MYO1D: variants seen among roughly 807,000 people sequenced by gnomAD.
The protein encoded by MYO1D is myosin ID, also known as unconventional myosin-Id.
Under a neutral mutation model 122.0 loss-of-function variants are expected in MYO1D, and 83 were observed. The ratio of observed to expected loss-of-function variants is 0.68; its 90% CI spans 0.57 to 0.82. The LOEUF (loss-of-function observed/expected upper bound fraction) is 0.82, where lower values mean the gene tolerates loss of function less well. MYO1D is among the 40% of genes least tolerant of loss of function. The pLI is 0.00. For missense variants in MYO1D, 1,157 were observed against 1,269.5 expected (o/e 0.91, Z 1.35); for synonymous variants, 464 against 446.9 (o/e 1.04, Z -0.48).
intron 10 of MYO1D, 112 bp downstream of exon 10, chr17:32,760,178 G>C (rs1358600615): frequency 9.8e-6 from 9 of 914,942 alleles, no homozygotes; most frequent in Non-Finnish European, 1.6e-5. Flanking sequence ...GGAAAGCTAA[G>C]GTTCAGATGT....
chr17:32,742,800 T>A (rs2089787635), intron 13 of MYO1D, among the ~76,000 whole-genome samples: 1 of 152,230 alleles, frequency 6.6e-6, no homozygotes, highest in South Asian at 2.1e-4. Flanking sequence ...TCAACATCCA[T>A]ACAGATGAAT....
chr17:32,632,396 C>G (rs191526944), intron 20 of MYO1D: 1 of 152,152 alleles, frequency 6.6e-6, no homozygotes, highest in Non-Finnish European at 1.5e-5. Context: ...TCTGATTTTT[C>G]TAGGCATATC....
chr17:32,826,033 A>C (rs928610214), intron 1 of MYO1D, among the ~76,000 whole-genome samples: 2 of 134,984 alleles, frequency 1.5e-5, no homozygotes, highest in African/African-American at 5.5e-5. Flanking sequence ...CGGGTGATAG[A>C]GTGAAACTCC....
At chr17:32,608,967 G>A (rs2087664865) in intron 20 of MYO1D, among the ~76,000 whole-genome samples, 1 of 152,170 alleles carries the variant, frequency 6.6e-6, no homozygotes, top group African/African-American at 2.4e-5. Flanking sequence ...AAAGGATAAG[G>A]ATGGACAACA....
chr17:32,626,459 C>T (rs561722517), intron 20 of MYO1D, among the ~76,000 whole-genome samples: 3 of 152,152 alleles, frequency 2.0e-5, no homozygotes, highest in Admixed American at 6.5e-5. Context: ...GTTTCTTTAA[C>T]AACGTTAAAT....
At chr17:32,731,744 G>A (rs1022819012) in intron 14 of MYO1D, among the ~76,000 whole-genome samples, 27 of 152,274 alleles carry the variant, frequency 1.8e-4, no homozygotes, top group Admixed American at 5.9e-4. Context: ...TGGGATCATC[G>A]CACTTCCTGG....
At chr17:32,718,686 C>G (rs1228016874) in intron 15 of MYO1D, among the ~76,000 whole-genome samples, 1 of 151,652 alleles carries the variant, frequency 6.6e-6, no homozygotes. Context: ...GGTGACAGAG[C>G]AAGACCCTGT....
intron 2 of MYO1D, among the ~76,000 whole-genome samples, chr17:32,780,343 T>C (rs936351267): frequency 2.0e-5 from 3 of 152,156 alleles, no homozygotes; most frequent in Non-Finnish European, 2.9e-5. Context: ...ATCTAACAAA[T>C]TGGCCAGAAG....
chr17:32,537,672 T>A (rs1020214731), intron 21 of MYO1D, among the ~76,000 whole-genome samples: 2 of 152,224 alleles, frequency 1.3e-5, no homozygotes, highest in Admixed American at 1.3e-4. Context: ...GGGTTGTCCA[T>A]TAGCATAGCG....
intron 16 of MYO1D, among the ~76,000 whole-genome samples, chr17:32,710,386 C>T (rs2089360183): frequency 6.6e-6 from 1 of 152,146 alleles, no homozygotes; most frequent in South Asian, 2.1e-4. Context: ...AACTTTCTCA[C>T]CATATGGAGA....
chr17:32,717,265 C>A (rs1034249391), intron 15 of MYO1D, among the ~76,000 whole-genome samples: 7 of 152,150 alleles, frequency 4.6e-5, no homozygotes, highest in Admixed American at 3.9e-4. Context: ...ACACATAATT[C>A]TTTTCCTGTC....
intron 16 of MYO1D, among the ~76,000 whole-genome samples, chr17:32,706,644 A>T (rs1400104081): frequency 6.6e-6 from 1 of 152,210 alleles, no homozygotes; most frequent in Non-Finnish European, 1.5e-5. Flanking sequence ...TAAAATTAAA[A>T]CAGCTAGTTA....
chr17:32,773,185 C>G (rs975823396), intron 4 of MYO1D, among the ~76,000 whole-genome samples: 4 of 152,198 alleles, frequency 2.6e-5, no homozygotes, highest in African/African-American at 9.7e-5. Context: ...TAAGCGGCCT[C>G]TTTTTACTCT....
rs569286370 is a variant in MYO1D at position 32,533,511 on chromosome 17, G to A, written c.2865-38596C>T. ...CTGCCTGCCACCCACTCTTCAAGCTGCAACCAGAATGATCTTACTAAAGCA... is the reference window on the plus strand; with the variant it reads ...CTGCCTGCCACCCACTCTTCAAGCTACAACCAGAATGATCTTACTAAAGCA... On this transcript the variant is annotated intron_variant, in intron 21 of 21. Coordinates refer to ENST00000318217, the MANE Select transcript of MYO1D (RefSeq NM_015194.3). 4.1e-4 allele frequency among the ~76,000 whole-genome samples: 62 copies of A among 152,254 alleles called. 1 individual carries two copies. The South Asian group carries it at 0.012, about 30-fold the overall frequency.
chr17:32,711,675 T>G (rs1398312050), intron 16 of MYO1D, among the ~76,000 whole-genome samples: 1 of 151,880 alleles, frequency 6.6e-6, no homozygotes, highest in African/African-American at 2.4e-5. Context: ...CTTTATGCAT[T>G]TAAGCTGAAG....
intron 14 of MYO1D, among the ~76,000 whole-genome samples, chr17:32,736,230 C>T (rs1001104775): frequency 6.6e-6 from 1 of 152,146 alleles, no homozygotes; most frequent in Non-Finnish European, 1.5e-5. Context: ...GATTGCTAGG[C>T]TAGTTCCCTA....
At chr17:32,524,427 C>T (rs1172663517) in intron 21 of MYO1D, among the ~76,000 whole-genome samples, 3 of 152,162 alleles carry the variant, frequency 2.0e-5, no homozygotes, top group Non-Finnish European at 2.9e-5. Context: ...GGGTCACGCT[C>T]TGTCACCCAG....
At chr17:32,670,712 T>C (rs548954122) in intron 16 of MYO1D, among the ~76,000 whole-genome samples, 112 of 152,328 alleles carry the variant, frequency 7.4e-4, no homozygotes, top group African/African-American at 2.6e-3. Context: ...GGTGCCTTTG[T>C]TTTAACCATG....
chr17:32,744,860 A>G (rs749701597), intron 13 of MYO1D, among the ~76,000 whole-genome samples: 25 of 152,218 alleles, frequency 1.6e-4, no homozygotes, highest in Non-Finnish European at 3.1e-4. Flanking sequence ...GAATCTGAGT[A>G]TGCAAAACTT....
Sources: gnomAD v4.1 joint callset for allele counts (sites outside exome capture counted in the v4.1 genomes callset) on GRCh38, gnomAD v4.1.1 for gene constraint, MANE v1.5 for transcripts, NCBI Gene and HGNC (gene_info 2026-07-23, HGNC 2026-07-21) for gene names.